PKHD1: variants seen among roughly 807,000 people sequenced by gnomAD.
PKHD1 encodes PKHD1 ciliary IPT domain containing fibrocystin/polyductin.
Under a neutral mutation model 412.0 loss-of-function variants are expected in PKHD1, and 291 were observed. The ratio of observed to expected loss-of-function variants is 0.71; its 90% CI spans 0.64 to 0.78. PKHD1 has a LOEUF of 0.78. PKHD1 is among the 30% of genes least tolerant of loss of function. The pLI, the probability that PKHD1 is intolerant of heterozygous loss-of-function variation, is 0.00. For synonymous variants in PKHD1, 1,777 were observed against 1,821.5 expected (o/e 0.98, Z 0.62); for missense variants, 4,825 against 4,950.7 (o/e 0.97, Z 0.76).
chr6:52,047,966 T>C lies in PKHD1; in HGVS notation c.2407+526A>G, dbSNP rs1806125691. Among the ~76,000 whole-genome samples the C allele has an allele frequency of 2.6e-5, 4 of 152,260 alleles. No individual in the cohort carries two copies. In the South Asian group the frequency reaches 6.2e-4, roughly 24 times the overall value. ...CCCAGGTGGACCCTAAATACAATTA[T>C]ATAATAGGTACCCTTATAAGAGAGA... On this transcript the variant is annotated intron_variant, in intron 23 of 66. Transcript: ENST00000371117.
chr6:51,843,393 C>T (rs1246887629), intron 50 of PKHD1, among the ~76,000 whole-genome samples: 1 of 152,182 alleles, frequency 6.6e-6, no homozygotes, highest in Non-Finnish European at 1.5e-5. Flanking sequence ...TCCTACAAAG[C>T]TTGTAAACCA....
At position 51,976,199 on chromosome 6, in the gene PKHD1, G is replaced by A. The variant is rs1238957029; in HGVS notation, c.5752-16173C>T. Among the ~76,000 whole-genome samples the A allele has an allele frequency of 1.3e-4, 20 of 152,244 alleles. No homozygotes were observed. In the East Asian group the frequency reaches 2.3e-3, roughly 18 times the overall value. ...AAGAGACATGTGCACAGCTATGTTC[G>A]TAGCAGCATTATTTACAATAGCCAA... On this transcript the variant is annotated intron_variant, in intron 35 of 66. Coordinates refer to ENST00000371117, the MANE Select transcript of PKHD1 (RefSeq NM_138694.4).
At position 51,903,972 on chromosome 6, in the gene PKHD1, A is replaced by C; in HGVS notation, c.6865+14T>G. 6.6e-7 allele frequency: 1 copy of C among 1,514,862 alleles called. No individual in the cohort carries two copies. Among genetic ancestry groups the C allele is most frequent in the East Asian group, 2.3e-5 (1 of 44,360 alleles). The allele number at this position is 1,514,862 out of a possible 1,614,324, so 93.8% of individuals were successfully genotyped here. On this transcript the variant is annotated intron_variant, in intron 42 of 66. Transcript: ENST00000371117. The stretch of plus-strand genomic sequence containing the variant: ...ATACACTGTAATAGATTTAAAATCA[A>C]TTTACATATTTACCATCTTTCCTTC...
At chr6:51,622,130 G>A (rs1171143188) in intron 66 of PKHD1, among the ~76,000 whole-genome samples, 1 of 152,184 alleles carries the variant, frequency 6.6e-6, no homozygotes. Context: ...AGGACTCACT[G>A]GTTCTGGGTT....
At chr6:51,908,241 A>T (rs996166069) in intron 40 of PKHD1, among the ~76,000 whole-genome samples, 3 of 152,188 alleles carry the variant, frequency 2.0e-5, no homozygotes, top group Non-Finnish European at 4.4e-5. Context: ...TAGCATGCAG[A>T]TAATTTGAAA....
intron 63 of PKHD1, 55 bp from the exon 64 acceptor site, chr6:51,639,011 G>T: frequency 8.2e-7 from 1 of 1,213,588 alleles, no homozygotes; most frequent in Non-Finnish European, 1.2e-6. Context: ...CTCGAACAAT[G>T]TCTTCATGTC....
At chr6:51,992,772 A>G (rs1383827305) in intron 35 of PKHD1, among the ~76,000 whole-genome samples, 1 of 152,356 alleles carries the variant, frequency 6.6e-6, no homozygotes, top group African/African-American at 2.4e-5. Context: ...TATCAGACAC[A>G]TTAATAAATT....
chr6:51,715,617 T>C (rs1001472893), intron 60 of PKHD1, among the ~76,000 whole-genome samples: 2 of 152,192 alleles, frequency 1.3e-5, no homozygotes, highest in Non-Finnish European at 2.9e-5. Context: ...TTTGAGCACA[T>C]TTCTGCTTTG....
At chr6:51,723,882 A>T (rs1359367433) in intron 60 of PKHD1, among the ~76,000 whole-genome samples, 1 of 152,110 alleles carries the variant, frequency 6.6e-6, no homozygotes, top group Admixed American at 6.5e-5. Flanking sequence ...GAATTAAAAT[A>T]AATTGAAAAG....
At chr6:52,083,114 T>C in intron 3 of PKHD1, 64 bp downstream of exon 3, 1 of 1,100,594 alleles carries the variant, frequency 9.1e-7, no homozygotes, top group South Asian at 1.2e-5. Flanking sequence ...AACCAAAGAC[T>C]CATAGTCTTT....
chr6:52,067,410 T>A (rs1562274405), intron 11 of PKHD1, among the ~76,000 whole-genome samples: 1 of 152,204 alleles, frequency 6.6e-6, no homozygotes, highest in African/African-American at 2.4e-5. Flanking sequence ...TATTTGATAA[T>A]TTTTTTCAAC....
At chr6:52,039,512 T>C (rs1286183455) in intron 27 of PKHD1, among the ~76,000 whole-genome samples, 1 of 152,172 alleles carries the variant, frequency 6.6e-6, no homozygotes, top group African/African-American at 2.4e-5. Context: ...TCCTGAGGAA[T>C]CCCCAGTCAA....
chr6:51,892,165 A>G (rs1473902317), intron 43 of PKHD1, among the ~76,000 whole-genome samples: 1 of 152,162 alleles, frequency 6.6e-6, no homozygotes, highest in Admixed American at 6.5e-5. Flanking sequence ...AGTCTGAGCA[A>G]TTCTCCAATT....
chr6:51,959,304 AG>A (rs1791631760), intron 36 of PKHD1, among the ~76,000 whole-genome samples: 1 of 152,148 alleles, frequency 6.6e-6, no homozygotes, highest in African/African-American at 2.4e-5. Flanking sequence ...AAATGCACAA[AG>A]AGGTGAAATA....
chr6:51,933,964 T>C, intron 37 of PKHD1, 146 bp downstream of exon 37: 1 of 703,014 alleles, frequency 1.4e-6, no homozygotes, highest in South Asian at 1.5e-5. Context: ...CGTAACAGTT[T>C]TACTTGTTAT....
chr6:51,681,105 A>G (rs1776595864), intron 60 of PKHD1, among the ~76,000 whole-genome samples: 1 of 152,072 alleles, frequency 6.6e-6, no homozygotes, highest in Non-Finnish European at 1.5e-5. Flanking sequence ...GCCCATGTAT[A>G]GACTGCATTG....
chr6:51,950,455 G>T (rs1790196590), intron 36 of PKHD1, among the ~76,000 whole-genome samples: 1 of 151,942 alleles, frequency 6.6e-6, no homozygotes, highest in Non-Finnish European at 1.5e-5. Context: ...CAGGCTAATT[G>T]GCTTCTGGTC....
rs777746296 is a variant in PKHD1, at chr6:51,837,218, C to T, written c.8108-749G>A. Among the ~76,000 whole-genome samples the T allele has an allele frequency of 3.5e-4, 53 of 152,270 alleles. No individual in the cohort carries two copies. The Middle Eastern group carries it at 0.01, about 29-fold the overall frequency. On this transcript the variant is annotated intron_variant, in intron 50 of 66. Transcript: ENST00000371117. ...TCCATTTTTCAGTCACACCTTGTCT[C>T]TTATTGGTTAATTACCTTTCTGCCT...
intron 50 of PKHD1, among the ~76,000 whole-genome samples, chr6:51,843,229 A>G (rs1054780115): frequency 2.0e-5 from 3 of 152,198 alleles, no homozygotes; most frequent in African/African-American, 7.2e-5. Flanking sequence ...TTAGAGGCAG[A>G]TAAAGGCTGA....
Sources: gnomAD v4.1 joint callset for allele counts (sites outside exome capture counted in the v4.1 genomes callset) on GRCh38, gnomAD v4.1.1 for gene constraint, MANE v1.5 for transcripts, NCBI Gene and HGNC (gene_info 2026-07-23, HGNC 2026-07-21) for gene names.